PLCH1: variants seen among roughly 807,000 people sequenced by gnomAD.
The protein encoded by PLCH1 is phospholipase C eta 1, also known as 1-phosphatidylinositol 4,5-bisphosphate phosphodiesterase eta-1.
Under a neutral mutation model 126.7 loss-of-function variants are expected in PLCH1, and 60 were observed. The ratio of observed to expected loss-of-function variants is 0.47; its 90% CI spans 0.38 to 0.59. The LOEUF is 0.59. PLCH1 is among the 20% of genes least tolerant of loss of function. The pLI is 0.00. For synonymous variants in PLCH1, 719 were observed against 734.9 expected, an observed-to-expected ratio of 0.98 and a Z score of 0.35; for missense variants, 1,723 against 2,040.0, an observed-to-expected ratio of 0.84 and a Z score of 2.99.
At chr3:155,465,108 CAAAAAA>C (rs150847303) in intron 21 of PLCH1, among the ~76,000 whole-genome samples, 1 of 65,788 alleles carries the variant, frequency 1.5e-5, no homozygotes, top group Non-Finnish European at 3.4e-5. Flanking sequence ...GACTCTGTCT[CAAAAAA>C]AAAAAAAAAA....
At chr3:155,688,611 C>G (rs1745134266) in intron 2 of PLCH1, among the ~76,000 whole-genome samples, 1 of 152,194 alleles carries the variant, frequency 6.6e-6, no homozygotes, top group African/African-American at 2.4e-5. Context: ...GAGTCCAGGC[C>G]TAGGCTTTTG....
chr3:155,611,193 T>C (rs186943048), intron 2 of PLCH1, among the ~76,000 whole-genome samples: 1 of 152,066 alleles, frequency 6.6e-6, no homozygotes, highest in Admixed American at 6.5e-5. Flanking sequence ...AGTTCAAGAC[T>C]AGCCTGGATA....
At chr3:155,655,831 G>T (rs1577253326) in intron 2 of PLCH1, among the ~76,000 whole-genome samples, 1 of 151,950 alleles carries the variant, frequency 6.6e-6, no homozygotes, top group East Asian at 1.9e-4. Context: ...ATTCAGAAAA[G>T]AATTAAAGAT....
At chr3:155,526,425 GTCTCTC>G (rs369809883) in intron 10 of PLCH1, among the ~76,000 whole-genome samples, 3 of 122,874 alleles carry the variant, frequency 2.4e-5, no homozygotes, top group Admixed American at 7.8e-5. Flanking sequence ...TCTCTCTTCT[GTCTCTC>G]TCTCTCTCTC....
chr3:155,486,141 A>C (rs1560053110), intron 21 of PLCH1: 1 of 1,528,824 alleles, frequency 6.5e-7, no homozygotes, highest in South Asian at 1.2e-5. Context: ...CATGCTGAGA[A>C]ACTACCTTTG....
chr3:155,519,315 G>C (rs775476155), intron 11 of PLCH1, among the ~76,000 whole-genome samples: 1 of 152,190 alleles, frequency 6.6e-6, no homozygotes, highest in African/African-American at 2.4e-5. Flanking sequence ...GGGGAGAGCA[G>C]TCATTTCATA....
At chr3:155,462,051 G>A (rs569441582) in intron 21 of PLCH1, among the ~76,000 whole-genome samples, 22 of 152,282 alleles carry the variant, frequency 1.4e-4, no homozygotes, top group Middle Eastern at 3.4e-3. Flanking sequence ...CTCATTCCCA[G>A]GCAGTATTGC....
Position 155,481,749 on chromosome 3 carries a change from T to A in PLCH1, c.4277A>T (p.Tyr1426Phe), listed in dbSNP as rs768268516. The A allele has an allele frequency of 1.2e-6, 2 of 1,614,200 alleles. No individual in the cohort carries two copies. Among genetic ancestry groups the A allele is most frequent in the Non-Finnish European group, 8.5e-7 (1 of 1,180,020 alleles). ...IQDVKTQSISYLAYQGAGFVH... is the reference protein window; with the variant it reads ...IQDVKTQSISFLAYQGAGFVH... ...AAAGCCAGCACCCTGATAGGCTAGA[T>A]AAGAAATACTTTGAGTTTTGACATC... Residue 1426 changes from tyrosine to phenylalanine, a missense_variant, in exon 23 of 23, where the codon TAT (tyrosine) becomes TTT (phenylalanine). Tyr to Phe is a conservative substitution (Grantham distance 22, BLOSUM62 3). Around this residue, in one of 2 missense-constraint regions of PLCH1, gnomAD observed 947 missense variants for 977.1 expected, o/e 0.97. Transcript: ENST00000460012. The surrounding 1 kb of genome is among the most constrained non-coding windows in gnomAD (Gnocchi z 4.2).
intron 2 of PLCH1, among the ~76,000 whole-genome samples, chr3:155,688,660 C>G (rs1436239986): frequency 1.3e-5 from 2 of 152,218 alleles, no homozygotes; most frequent in Non-Finnish European, 2.9e-5. Flanking sequence ...AGAAGGGAGT[C>G]CACTGCCTTG....
At chr3:155,541,008 T>C (rs185079001) in intron 10 of PLCH1, among the ~76,000 whole-genome samples, 46 of 151,736 alleles carry the variant, frequency 3.0e-4, no homozygotes, top group African/African-American at 1.1e-3. Context: ...AATCAACGAG[T>C]GGATAAAGAA....
intron 11 of PLCH1, among the ~76,000 whole-genome samples, chr3:155,517,880 C>A (rs964353698): frequency 6.6e-6 from 1 of 152,070 alleles, no homozygotes; most frequent in Non-Finnish European, 1.5e-5. Context: ...ATCAAAAGAA[C>A]CAGTAATCAT....
intron 2 of PLCH1, among the ~76,000 whole-genome samples, chr3:155,631,404 G>A (rs979871778): frequency 5.3e-5 from 8 of 152,158 alleles, no homozygotes; most frequent in Non-Finnish European, 1.2e-4. Flanking sequence ...AAAAAGCACT[G>A]AGGCAGCATA....
intron 2 of PLCH1, among the ~76,000 whole-genome samples, chr3:155,660,255 G>A (rs953838012): frequency 1.8e-4 from 28 of 152,154 alleles, no homozygotes; most frequent in African/African-American, 6.8e-4. Flanking sequence ...CATCTTTTGG[G>A]AAACTATATT....
At chr3:155,724,515 C>G (rs1748170530) in intron 1 of PLCH1, among the ~76,000 whole-genome samples, 2 of 152,100 alleles carry the variant, frequency 1.3e-5, no homozygotes, top group African/African-American at 4.8e-5. Flanking sequence ...TCTTTTTTAA[C>G]TGCTGTTGCT....
intron 8 of PLCH1, among the ~76,000 whole-genome samples, chr3:155,555,052 T>C (rs1182871273): frequency 6.6e-6 from 1 of 152,244 alleles, no homozygotes; most frequent in Non-Finnish European, 1.5e-5. Context: ...CTCAAAACAC[T>C]ACTTTCACCT....
chr3:155,612,549 A>T (rs1735247272), intron 2 of PLCH1, among the ~76,000 whole-genome samples: 1 of 152,166 alleles, frequency 6.6e-6, no homozygotes, highest in East Asian at 1.9e-4. Context: ...AAAAAAGATA[A>T]ATGAACAAAA....
At chr3:155,628,357 A>AAAAG (rs1737611118) in intron 2 of PLCH1, among the ~76,000 whole-genome samples, 1 of 41,320 alleles carries the variant, frequency 2.4e-5, no homozygotes, top group African/African-American at 2.8e-4. Flanking sequence ...TATGCCCAGG[A>AAAAG]AAAAAAAAAA....
intron 2 of PLCH1, among the ~76,000 whole-genome samples, chr3:155,676,885 A>C (rs1744138555): frequency 6.6e-6 from 1 of 152,184 alleles, no homozygotes; most frequent in Non-Finnish European, 1.5e-5. Context: ...GGTAGACAGC[A>C]TGAATGGGTC....
chr3:155,671,999 A>T (rs1189450459), intron 2 of PLCH1, among the ~76,000 whole-genome samples: 1 of 152,206 alleles, frequency 6.6e-6, no homozygotes, highest in Non-Finnish European at 1.5e-5. Context: ...ACAAGGCGTA[A>T]CAAAAAACTC....
Sources: allele counts gnomAD v4.1 joint callset (sites outside exome capture counted in the v4.1 genomes callset), GRCh38; gene constraint gnomAD v4.1.1; regional missense constraint gnomAD v4.1.1; non-coding constraint Gnocchi (gnomAD v3.1); transcripts MANE v1.5; gene names NCBI Gene and HGNC (gene_info 2026-07-23, HGNC 2026-07-21).